FDFT1: variants seen among roughly 807,000 people sequenced by gnomAD.
FDFT1 encodes squalene synthase.
Under a neutral mutation model 46.8 loss-of-function variants are expected in FDFT1, and 68 were observed. That is an observed-to-expected ratio of 1.45 (90% CI 1.19 to 1.78). FDFT1 has a LOEUF of 1.78. FDFT1 is among the 40% of genes most tolerant of loss of function. The pLI is 0.00. For synonymous variants in FDFT1, 351 were observed against 185.1 expected (o/e 1.90, Z -7.28); for missense variants, 928 against 524.4 (o/e 1.77, Z -7.52).
chr8:11,821,676 G>T, intron 3 of FDFT1, 74 bp from the exon 4 acceptor site: 1 of 1,532,294 alleles, frequency 6.5e-7, no homozygotes, highest in Middle Eastern at 1.7e-4. Context: ...TTCCGCCATT[G>T]TTTGCCTTGT....
chr8:11,797,402 A>T (rs1022871883), upstream of FDFT1, among the ~76,000 whole-genome samples: 5 of 152,166 alleles, frequency 3.3e-5, no homozygotes, highest in African/African-American at 4.8e-5. Flanking sequence ...GCACCATCAC[A>T]TAACATGTCT....
At chr8:11,802,210 A>T (rs1806195650), upstream of FDFT1, 1 of 407,526 alleles carries the variant, frequency 2.5e-6, no homozygotes, top group Non-Finnish European at 4.8e-6. Flanking sequence ...GGTGTGTTAC[A>T]GTAAAGACGC....
At position 11,835,971 on chromosome 8, in the gene FDFT1, T is replaced by TAAAAAAAAAAAAA. The variant is rs755611965; in HGVS notation, c.1033-2405_1033-2393dup. On this transcript the variant is annotated intron_variant, in intron 7 of 7. Coordinates refer to ENST00000220584, the MANE Select transcript of FDFT1 (RefSeq NM_004462.5). ...TTATGTGATGAAACCCTGTCTCTAC[T>TAAAAAAAAAAAAA]AAAAAAAAAAAAAAAAAAAAAAAAT... 8.4e-3 allele frequency among the ~76,000 whole-genome samples: 545 copies of TAAAAAAAAAAAAA among 64,500 alleles called. 57 individuals are homozygous for TAAAAAAAAAAAAA. The highest frequency in any genetic ancestry group is 0.013 in the Non-Finnish European group (425 of 33,572). The allele number at this position is 64,500 out of a possible 152,430, so 42.3% of individuals were successfully genotyped here. A position where few individuals can be genotyped will look rare whatever the true frequency, so the allele number is the denominator to read the frequency against.
chr8:11,827,161 C>T (rs1421375756), intron 5 of FDFT1, among the ~76,000 whole-genome samples: 1 of 152,048 alleles, frequency 6.6e-6, no homozygotes, highest in Non-Finnish European at 1.5e-5. Context: ...TTTCCTGCAG[C>T]CAAGTACTTT....
intron 5 of FDFT1, 45 bp downstream of exon 5, chr8:11,826,260 C>G: frequency 7.2e-7 from 1 of 1,385,230 alleles, no homozygotes; most frequent in Non-Finnish European, 9.7e-7. Flanking sequence ...TTTAGACATT[C>G]TCTGAAAAAT....
intron 5 of FDFT1, among the ~76,000 whole-genome samples, chr8:11,828,233 AACC>A (rs1277087338): frequency 6.6e-6 from 1 of 152,184 alleles, no homozygotes; most frequent in Non-Finnish European, 1.5e-5. Context: ...GGCTGCAGTG[AACC>A]ATGATCGCAC....
chr8:11,808,577 G>T, intron 1 of FDFT1: 3 of 1,386,086 alleles, frequency 2.2e-6, no homozygotes, highest in Non-Finnish European at 2.8e-6. Flanking sequence ...CCTTGGTGCT[G>T]AGTCCCGCCG....
chr8:11,803,678 C>T (rs1185083201), intron 1 of FDFT1: 3 of 329,800 alleles, frequency 9.1e-6, no homozygotes, highest in Non-Finnish European at 1.5e-5. Context: ...CTGGACCAGC[C>T]TGGCTGATTT....
chr8:11,801,500 A>T (rs1350806370), upstream of FDFT1, among the ~76,000 whole-genome samples: 1 of 151,974 alleles, frequency 6.6e-6, no homozygotes, highest in Non-Finnish European at 1.5e-5. Flanking sequence ...TTGTATTTTT[A>T]GTAGAGACGC....
At chr8:11,813,725 C>T (rs946582515) in intron 3 of FDFT1, among the ~76,000 whole-genome samples, 1 of 152,198 alleles carries the variant, frequency 6.6e-6, no homozygotes, top group African/African-American at 2.4e-5. Flanking sequence ...TGGGACCTTC[C>T]TTCTTGTACT....
At chr8:11,806,774 C>T (rs1041921026) in intron 1 of FDFT1, among the ~76,000 whole-genome samples, 1 of 152,156 alleles carries the variant, frequency 6.6e-6, no homozygotes, top group Non-Finnish European at 1.5e-5. Flanking sequence ...GAAATCCTGC[C>T]TCTCGATATT....
upstream of FDFT1, among the ~76,000 whole-genome samples, chr8:11,798,318 C>G (rs11995135): frequency 2.0e-5 from 3 of 152,102 alleles, no homozygotes; most frequent in Non-Finnish European, 4.4e-5. Flanking sequence ...CATTGGTCTT[C>G]CCAAGTGCTG....
intron 2 of FDFT1, 188 bp from the exon 3 acceptor site, chr8:11,809,479 C>A: frequency 7.6e-7 from 1 of 1,321,690 alleles, no homozygotes; most frequent in Non-Finnish European, 9.6e-7. Flanking sequence ...TACAGAAGTT[C>A]ATTACTCTCA....
chr8:11,801,179 C>T (rs201287020), upstream of FDFT1, among the ~76,000 whole-genome samples: 2 of 151,964 alleles, frequency 1.3e-5, no homozygotes, highest in Non-Finnish European at 2.9e-5. Flanking sequence ...AGTCCTAGGG[C>T]CAGAGAAAGC....
At chr8:11,813,662 C>G (rs138926537) in intron 3 of FDFT1, among the ~76,000 whole-genome samples, 1 of 152,354 alleles carries the variant, frequency 6.6e-6, no homozygotes, top group East Asian at 1.9e-4. Flanking sequence ...CCCTGCTACT[C>G]TTACCCTCTA....
intron 4 of FDFT1, among the ~76,000 whole-genome samples, chr8:11,822,789 G>A (rs1032622435): frequency 3.3e-5 from 5 of 152,280 alleles, no homozygotes; most frequent in East Asian, 3.9e-4. Context: ...GCACTCCAAC[G>A]TGGGTGACAG....
chr8:11,821,833 A>G lies in FDFT1; in HGVS notation c.465A>G (p.Ala155=), dbSNP rs1809292528. Residue 155 remains alanine, a synonymous_variant, in exon 4 of 8, where the codon GCA becomes GCG. Coordinates refer to ENST00000220584, the MANE Select transcript of FDFT1 (RefSeq NM_004462.5). ...DICRRMGIGM[A]EFLDKHVTSE... ...GCCGGAGAATGGGCATTGGGATGGC[A>G]GAGTTTTTGGATAAGCATGTGACCT... 2 of 1,613,706 alleles carry G rather than the reference A, an allele frequency of 1.2e-6. No homozygotes were observed. The highest frequency in any genetic ancestry group is 2.7e-5 in the African/African-American group (2 of 75,054).
At chr8:11,828,511 C>T (rs752152169) in intron 5 of FDFT1, among the ~76,000 whole-genome samples, 10 of 152,206 alleles carry the variant, frequency 6.6e-5, no homozygotes, top group Non-Finnish European at 1.5e-4. Context: ...TCTCCCGGCT[C>T]CTAGGCCAGC....
intron 3 of FDFT1, among the ~76,000 whole-genome samples, chr8:11,810,612 A>G (rs1034545335): frequency 6.6e-6 from 1 of 152,196 alleles, no homozygotes; most frequent in African/African-American, 2.4e-5. Context: ...TTATAGTTAA[A>G]ATCCTAAGAT....
Sources: gnomAD v4.1 joint callset for allele counts (sites outside exome capture counted in the v4.1 genomes callset) on GRCh38, gnomAD v4.1.1 for gene constraint, MANE v1.5 for transcripts, NCBI Gene and HGNC (gene_info 2026-07-23, HGNC 2026-07-21) for gene names.